Variants in TOX2 observed in about 807,000 individuals in gnomAD.
TOX2 encodes granulosa cell HMG box 1.
Under a neutral mutation model 47.4 loss-of-function variants are expected in TOX2, and 15 were observed. That is an observed-to-expected ratio of 0.32 (90% confidence interval 0.21 to 0.49). The LOEUF (loss-of-function observed/expected upper bound fraction) is 0.49, where lower values mean the gene tolerates loss of function less well. Among genes scored for constraint, TOX2 ranks in the 20% least tolerant of loss-of-function variants. The pLI is 0.99. For synonymous variants in TOX2, 290 were observed against 296.6 expected (o/e 0.98, Z 0.23); for missense variants, 622 against 673.1 (o/e 0.92, Z 0.84).
chr20:43,942,705 G>T (rs1050444337), intron 1 of TOX2, among the ~76,000 whole-genome samples: 6 of 151,678 alleles, frequency 4.0e-5, no homozygotes, highest in African/African-American at 1.5e-4. Flanking sequence ...ATAAATAAGA[G>T]AAAAAAGAAA....
intron 3 of TOX2, among the ~76,000 whole-genome samples, chr20:44,037,180 C>T (rs2071254784): frequency 6.6e-6 from 1 of 152,194 alleles, no homozygotes; most frequent in Non-Finnish European, 1.5e-5. Flanking sequence ...TCTTGAACTC[C>T]TGACCTCAGG....
chr20:44,042,529 G>T (rs2071348875), intron 3 of TOX2, among the ~76,000 whole-genome samples: 1 of 152,238 alleles, frequency 6.6e-6, no homozygotes, highest in African/African-American at 2.4e-5. Context: ...ATGATTCAAT[G>T]TGTTTAATAG....
At chr20:44,049,054 G>A (rs2071463797) in intron 3 of TOX2, among the ~76,000 whole-genome samples, 1 of 152,214 alleles carries the variant, frequency 6.6e-6, no homozygotes, top group South Asian at 2.1e-4. Context: ...GTTGCAGTGA[G>A]CCAAGATCGC....
chr20:44,054,808 T>C (rs2071589928), intron 5 of TOX2, among the ~76,000 whole-genome samples: 1 of 152,124 alleles, frequency 6.6e-6, no homozygotes, highest in Non-Finnish European at 1.5e-5. Context: ...AGAACAAGCA[T>C]CTCCATCCAT....
intron 1 of TOX2, among the ~76,000 whole-genome samples, chr20:43,965,072 G>A (rs1014143816): frequency 2.6e-5 from 4 of 152,128 alleles, no homozygotes; most frequent in African/African-American, 7.2e-5. Flanking sequence ...GGTATACTTC[G>A]CAAGGGTAGT....
At chr20:44,007,550 G>T (rs2070709529) in intron 3 of TOX2, 1 of 152,342 alleles carries the variant, frequency 6.6e-6, no homozygotes, top group African/African-American at 2.4e-5. Flanking sequence ...GAAAAGAAAA[G>T]AAAAATGCTC....
intron 3 of TOX2, among the ~76,000 whole-genome samples, chr20:44,008,355 T>G (rs902442664): frequency 5.9e-5 from 9 of 151,348 alleles, no homozygotes; most frequent in African/African-American, 2.2e-4. Flanking sequence ...AGGCCAGGAG[T>G]TCAAGACCAT....
At chr20:44,041,964 G>A (rs2071338095) in intron 3 of TOX2, among the ~76,000 whole-genome samples, 1 of 152,232 alleles carries the variant, frequency 6.6e-6, no homozygotes, top group South Asian at 2.1e-4. Context: ...TCCATGTGAT[G>A]AGAAGAATTT....
intron 1 of TOX2, among the ~76,000 whole-genome samples, chr20:43,920,626 A>T (rs1340295007): frequency 6.6e-6 from 1 of 152,116 alleles, no homozygotes; most frequent in Non-Finnish European, 1.5e-5. Context: ...GGACCCCAGG[A>T]TGTTTGCATG....
chr20:43,949,418 C>T (rs1449314160), intron 1 of TOX2, among the ~76,000 whole-genome samples: 2 of 152,202 alleles, frequency 1.3e-5, no homozygotes, highest in African/African-American at 4.8e-5. Context: ...CCACCTGATG[C>T]GCACATCCCT....
chr20:43,963,738 T>C (rs1194292620), intron 1 of TOX2, among the ~76,000 whole-genome samples: 2 of 152,192 alleles, frequency 1.3e-5, no homozygotes. Flanking sequence ...AGCATGAAAA[T>C]CATCGTTGTT....
rs926823930 is a variant in TOX2 at position 43,915,550 on chromosome 20, C to G, written c.99+560C>G. On this transcript the variant is annotated intron_variant, in intron 1 of 8. Coordinates refer to ENST00000341197, the MANE Select transcript of TOX2 (RefSeq NM_001098797.2). This position sits in a 1 kb window ranked among gnomAD's most constrained non-coding sequence, Gnocchi z 7.1. ...TCACCCAGGCGCACGCTGTCACACA[C>G]AGCCACCCCCCTGGACGGTGAGCCT... Among the ~76,000 whole-genome samples the G allele has an allele frequency of 6.6e-6, 1 of 152,352 alleles. No individual in the cohort carries two copies. The highest frequency in any genetic ancestry group is 6.5e-5 in the Admixed American group (1 of 15,300).
At chr20:44,023,818 C>T (rs1032983370) in intron 3 of TOX2, among the ~76,000 whole-genome samples, 2 of 152,244 alleles carry the variant, frequency 1.3e-5, no homozygotes, top group African/African-American at 2.4e-5. Context: ...TCATGCAGGA[C>T]AGTGAGCAGC....
intron 2 of TOX2, among the ~76,000 whole-genome samples, chr20:43,997,907 T>C (rs147130728): frequency 2.8e-4 from 43 of 152,300 alleles, no homozygotes; most frequent in African/African-American, 9.4e-4. Context: ...CATTTTTTTT[T>C]CTGCTCGTTT....
At chr20:44,058,780 G>C (rs1341360216) in intron 5 of TOX2, among the ~76,000 whole-genome samples, 2 of 152,202 alleles carry the variant, frequency 1.3e-5, no homozygotes, top group African/African-American at 4.8e-5. Flanking sequence ...TGGGTGGCTA[G>C]ATCCAGAAGA....
intron 3 of TOX2, chr20:44,039,279 G>A: frequency 1.6e-6 from 2 of 1,289,448 alleles, no homozygotes; most frequent in Non-Finnish European, 2.0e-6. Context: ...AGTCTAGAGA[G>A]AAGCCCACAT....
chr20:44,031,168 G>T (rs1600759287), intron 3 of TOX2, among the ~76,000 whole-genome samples: 1 of 152,188 alleles, frequency 6.6e-6, no homozygotes, highest in Non-Finnish European at 1.5e-5. Flanking sequence ...ACAAGGGCAG[G>T]TGGGGGAAGG....
chr20:43,977,338 T>A (rs866014057), intron 2 of TOX2, among the ~76,000 whole-genome samples: 2 of 152,216 alleles, frequency 1.3e-5, no homozygotes, highest in Non-Finnish European at 2.9e-5. Context: ...CTTGAACTCC[T>A]GACCTTAAGT....
chr20:43,969,454 C>T lies in TOX2; in HGVS notation c.100-3913C>T, dbSNP rs116443859. Among the ~76,000 whole-genome samples, 487 of 152,264 alleles carry T rather than the reference C, an allele frequency of 3.2e-3. 2 individuals carry two copies. The highest frequency in any genetic ancestry group is 0.011 in the African/African-American group (467 of 41,550). The stretch of plus-strand genomic sequence containing the variant: ...GGCAGAGGTGACTTTGTGACCTCTC[C>T]CCTTGGCTTCCAAGTTCATTTAGCC... On this transcript the variant is annotated intron_variant, in intron 1 of 8. Coordinates refer to ENST00000341197, the MANE Select transcript of TOX2 (RefSeq NM_001098797.2).
Sources: allele counts gnomAD v4.1 joint callset (sites outside exome capture counted in the v4.1 genomes callset), GRCh38; gene constraint gnomAD v4.1.1; non-coding constraint Gnocchi (gnomAD v3.1); transcripts MANE v1.5; gene names NCBI Gene and HGNC (gene_info 2026-07-23, HGNC 2026-07-21).